HS3ST4: variants seen among roughly 807,000 people sequenced by gnomAD.
HS3ST4 encodes the protein heparan sulfate-glucosamine 3-sulfotransferase 4.
HS3ST4 carries 17 observed loss-of-function variants against 29.2 expected under a neutral mutation model. The ratio of observed to expected loss-of-function variants is 0.58; its 90% CI spans 0.40 to 0.87. The LOEUF (loss-of-function observed/expected upper bound fraction) is 0.87, where lower values mean the gene tolerates loss of function less well. Among genes scored for constraint, HS3ST4 ranks in the 40% least tolerant of loss-of-function variants. The pLI is 0.00. For synonymous variants in HS3ST4, 314 were observed against 285.7 expected (o/e 1.10, Z -1.00); for missense variants, 627 against 634.5 (o/e 0.99, Z 0.13).
intron 1 of HS3ST4, among the ~76,000 whole-genome samples, chr16:25,880,635 T>C (rs558385468): frequency 6.6e-6 from 1 of 152,294 alleles, no homozygotes; most frequent in Non-Finnish European, 1.5e-5. Context: ...CTGGCACTAA[T>C]GGGCATTTGT....
chr16:25,939,452 C>T (rs2141691411), intron 1 of HS3ST4, among the ~76,000 whole-genome samples: 1 of 151,994 alleles, frequency 6.6e-6, no homozygotes. Flanking sequence ...ATTCTCCTGC[C>T]TCAGCCTCCC....
chr16:25,981,609 CTT>C (rs376892231), intron 1 of HS3ST4, among the ~76,000 whole-genome samples: 6 of 136,784 alleles, frequency 4.4e-5, no homozygotes, highest in Non-Finnish European at 4.6e-5. Flanking sequence ...TGGTGGAGTT[CTT>C]TTTTTTTTTT....
chr16:25,762,722 A>C (rs1210981262), intron 1 of HS3ST4, among the ~76,000 whole-genome samples: 2 of 151,414 alleles, frequency 1.3e-5, no homozygotes, highest in African/African-American at 4.9e-5. Flanking sequence ...ACAAACAAAC[A>C]AACAAACAAA....
At chr16:25,913,657 G>A (rs1425967526) in intron 1 of HS3ST4, among the ~76,000 whole-genome samples, 1 of 152,232 alleles carries the variant, frequency 6.6e-6, no homozygotes, top group Non-Finnish European at 1.5e-5. Flanking sequence ...AGAGAAGAAA[G>A]GAAGGGTTAC....
intron 1 of HS3ST4, among the ~76,000 whole-genome samples, chr16:26,055,412 C>G (rs1044609476): frequency 6.6e-6 from 1 of 152,058 alleles, no homozygotes; most frequent in East Asian, 1.9e-4. Flanking sequence ...GATCTGGGCA[C>G]TAGTAGGGGA....
chr16:25,904,518 G>A (rs1197029205), intron 1 of HS3ST4, among the ~76,000 whole-genome samples: 1 of 152,136 alleles, frequency 6.6e-6, no homozygotes, highest in African/African-American at 2.4e-5. Context: ...TTATACATTA[G>A]CACTGGCCGT....
chr16:25,793,990 T>C (rs1297893767), intron 1 of HS3ST4, among the ~76,000 whole-genome samples: 1 of 152,038 alleles, frequency 6.6e-6, no homozygotes, highest in Non-Finnish European at 1.5e-5. Flanking sequence ...TGGAATAAAG[T>C]TCTTCTTAAT....
At chr16:25,878,127 A>T (rs1028216917) in intron 1 of HS3ST4, among the ~76,000 whole-genome samples, 5 of 152,152 alleles carry the variant, frequency 3.3e-5, no homozygotes, top group African/African-American at 1.2e-4. Context: ...ACTTTGGCAA[A>T]TTGTCTTTTA....
intron 1 of HS3ST4, among the ~76,000 whole-genome samples, chr16:25,873,715 T>A (rs1184808585): frequency 2.0e-5 from 3 of 151,336 alleles, no homozygotes; most frequent in African/African-American, 7.3e-5. Context: ...CATCTGTCCA[T>A]CTATCCATCC....
chr16:25,739,206 G>T (rs974851016), intron 1 of HS3ST4, among the ~76,000 whole-genome samples: 3 of 152,120 alleles, frequency 2.0e-5, no homozygotes, highest in Non-Finnish European at 4.4e-5. Context: ...GCTAGGCGTG[G>T]TGGCGGGCAC....
intron 1 of HS3ST4, among the ~76,000 whole-genome samples, chr16:25,992,725 G>A (rs1969125027): frequency 6.6e-6 from 1 of 152,236 alleles, no homozygotes; most frequent in South Asian, 2.1e-4. Flanking sequence ...AGGGTGAAAA[G>A]CATTGTTGGC....
At chr16:25,989,834 A>G (rs1179579375) in intron 1 of HS3ST4, among the ~76,000 whole-genome samples, 1 of 152,256 alleles carries the variant, frequency 6.6e-6, no homozygotes, top group Non-Finnish European at 1.5e-5. Flanking sequence ...GCAAAGACGC[A>G]TTATGATGCC....
intron 1 of HS3ST4, among the ~76,000 whole-genome samples, chr16:25,720,670 C>T (rs1185324150): frequency 6.6e-6 from 1 of 152,236 alleles, no homozygotes; most frequent in Non-Finnish European, 1.5e-5. Flanking sequence ...CCAGTCACAT[C>T]ACCACACTAA....
intron 1 of HS3ST4, among the ~76,000 whole-genome samples, chr16:25,866,472 G>T (rs1442469952): frequency 6.6e-6 from 1 of 152,176 alleles, no homozygotes; most frequent in Non-Finnish European, 1.5e-5. Flanking sequence ...ATACTATGCA[G>T]CCATAAAAAA....
intron 1 of HS3ST4, among the ~76,000 whole-genome samples, chr16:26,031,254 GC>G (rs1969527995): frequency 6.6e-6 from 1 of 151,974 alleles, no homozygotes; most frequent in Non-Finnish European, 1.5e-5. Context: ...CAGGCACAGG[GC>G]CCCGCCACTC....
intron 1 of HS3ST4, among the ~76,000 whole-genome samples, chr16:25,937,493 C>T (rs1292980818): frequency 6.6e-6 from 1 of 152,064 alleles, no homozygotes; most frequent in Non-Finnish European, 1.5e-5. Flanking sequence ...AAGGGCATTC[C>T]AGGCAGAGGA....
chr16:25,896,915 A>G (rs1005471777), intron 1 of HS3ST4, among the ~76,000 whole-genome samples: 11 of 152,180 alleles, frequency 7.2e-5, no homozygotes, highest in African/African-American at 2.7e-4. Flanking sequence ...AGCAAATACC[A>G]CATGTTCTCA....
chr16:25,978,948 T>TTTTG (rs1555476145), intron 1 of HS3ST4, among the ~76,000 whole-genome samples: 4 of 149,654 alleles, frequency 2.7e-5, no homozygotes, highest in Non-Finnish European at 5.9e-5. Context: ...TTTTGTTTTT[T>TTTTG]TTTTTTTTTG....
intron 1 of HS3ST4, among the ~76,000 whole-genome samples, chr16:25,748,040 AG>A (rs2141600551): frequency 6.6e-6 from 1 of 152,282 alleles, no homozygotes; most frequent in African/African-American, 2.4e-5. Flanking sequence ...TGGTGGTTGC[AG>A]GGAGGAATGG....
Sources: allele counts gnomAD v4.1 joint callset (sites outside exome capture counted in the v4.1 genomes callset), GRCh38; gene constraint gnomAD v4.1.1; transcripts MANE v1.5; gene names NCBI Gene and HGNC (gene_info 2026-07-23, HGNC 2026-07-21).